Variants in SEC24C observed in about 807,000 individuals in gnomAD.
SEC24C encodes the protein protein transport protein Sec24C.
In SEC24C, 22 loss-of-function variants were observed where a neutral mutation model predicts 117.0. That is an observed-to-expected ratio of 0.19 (90% confidence interval 0.13 to 0.27). The LOEUF (loss-of-function observed/expected upper bound fraction) is 0.27, where lower values mean the gene tolerates loss of function less well. SEC24C is among the 10% of genes least tolerant of loss of function. The pLI is 1.00. For synonymous variants in SEC24C, 506 were observed against 529.4 expected (o/e 0.96, Z 0.61); for missense variants, 1,155 against 1,375.1 (o/e 0.84, Z 2.53).
chr10:73,763,667 C>CTTTTT (rs71021569), intron 7 of SEC24C, 66 bp downstream of exon 7: 2,222 of 59,788 alleles, frequency 0.037, 398 homozygotes, highest in Non-Finnish European at 0.055. Flanking sequence ...ATGGTTGGGG[C>CTTTTT]TTTTTTTTTT....
At position 73,769,271 on chromosome 10, in the gene SEC24C, C is replaced by A; in HGVS notation, c.2425-76C>A. ...CAGGGCACGGGAGTGGCTCATTTCT[C>A]TCTTCCAGTTTAATAGTGTAGCAAA... On this transcript the variant is annotated intron_variant, in intron 17 of 22. Coordinates refer to ENST00000345254, the MANE Select transcript of SEC24C (RefSeq NM_198597.3). The surrounding 1 kb of genome is among the most constrained non-coding windows in gnomAD (Gnocchi z 4.5). 1.3e-6 allele frequency: 2 copies of A among 1,592,602 alleles called. No homozygotes were observed. The highest frequency in any genetic ancestry group is 1.1e-5 in the South Asian group (1 of 88,194).
At position 73,770,987 on chromosome 10, in the gene SEC24C, G is replaced by A; in HGVS notation, c.3177G>A (p.Glu1059=). Residue 1059 remains glutamate, a synonymous_variant, in exon 23 of 23, where the codon GAG becomes GAA. Transcript: ENST00000345254. ...TGGTGAAACAGGAAGACAAGATGGA[G>A]ATGCTGTTCAAGCACTTCCTGGTGG... The part of the protein sequence containing the change: ...LTVVKQEDKM[E]MLFKHFLVED... 6.2e-7 allele frequency: 1 copy of A among 1,614,226 alleles called. No individual in the cohort carries two copies. The highest frequency in any genetic ancestry group is 1.1e-5 in the South Asian group (1 of 91,088).
intron 3 of SEC24C, among the ~76,000 whole-genome samples, chr10:73,757,840 C>T (rs990185126): frequency 6.7e-6 from 1 of 148,154 alleles, no homozygotes; most frequent in Admixed American, 6.9e-5. Flanking sequence ...TGCTTGAGCC[C>T]AGGAGGTCAA....
At position 73,769,782 on chromosome 10, in the gene SEC24C, G is replaced by C; in HGVS notation, c.2682+49G>C. Reference sequence around the variant, plus strand: ...GGTGGGGTTGTTGGGACAAATGTTTGCATTTGGGAGGGATTTCTCATGATC... The same window carrying C: ...GGTGGGGTTGTTGGGACAAATGTTTCCATTTGGGAGGGATTTCTCATGATC... On this transcript the variant is annotated intron_variant, in intron 19 of 22. Transcript: ENST00000345254. This position sits in a 1 kb window ranked among gnomAD's most constrained non-coding sequence, Gnocchi z 4.5. 6.2e-7 allele frequency: 1 copy of C among 1,610,928 alleles called. No individual in the cohort carries two copies. The highest frequency in any genetic ancestry group is 8.5e-7 in the Non-Finnish European group (1 of 1,177,170).
chr10:73,766,191 C>T lies in SEC24C; in HGVS notation c.1588C>T (p.Leu530=), dbSNP rs2082880666. ...VRLLCEELKS[L]LDFLPREGGA... Reference sequence around the variant, plus strand: ...GCTCCTCTGTGAGGAGCTCAAGTCACTGTTAGACTTTCTACCTAGGTGAGA... The same window carrying T: ...GCTCCTCTGTGAGGAGCTCAAGTCATTGTTAGACTTTCTACCTAGGTGAGA... The change falls in exon 11 of 23, where the codon CTG becomes TTG. Residue 530 remains leucine, a synonymous_variant. Transcript: ENST00000345254. 6.2e-7 allele frequency: 1 copy of T among 1,612,780 alleles called. No individual in the cohort carries two copies. The highest frequency in any genetic ancestry group is 8.5e-7 in the Non-Finnish European group (1 of 1,179,644).
intron 2 of SEC24C, 81 bp from the exon 3 acceptor site, chr10:73,751,027 T>G: frequency 2.0e-6 from 3 of 1,500,550 alleles, no homozygotes; most frequent in Non-Finnish European, 2.7e-6. Context: ...CTGAGTTTAT[T>G]GATCCTTGCT....
At chr10:73,753,605 G>A (rs1479590334) in intron 3 of SEC24C, among the ~76,000 whole-genome samples, 1 of 152,112 alleles carries the variant, frequency 6.6e-6, no homozygotes, top group Non-Finnish European at 1.5e-5. Flanking sequence ...AAAGGTCGAG[G>A]CTACACTGAG....
intron 6 of SEC24C, 108 bp from the exon 7 acceptor site, chr10:73,763,382 C>A: frequency 1.5e-6 from 1 of 671,554 alleles, no homozygotes. Flanking sequence ...TGTTCCTTGG[C>A]AAATTTTTAG....
rs745334999 is a variant in SEC24C at position 73,759,692 on chromosome 10, T to C, written c.379T>C (p.Tyr127His). ...VGNQPPVLQPYGPPPTSAQVA... is the reference protein window; with the variant it reads ...VGNQPPVLQPHGPPPTSAQVA... ...CAACCAGCCACCTGTGCTTCAGCCC[T>C]ATGGCCCTCCCCCGACAAGTGCACA... Residue 127 changes from tyrosine to histidine, a missense_variant, in exon 4 of 23, where the codon TAT becomes CAT. Transcript: ENST00000345254. 3.1e-6 allele frequency: 5 copies of C among 1,607,244 alleles called. No homozygotes were observed. Among genetic ancestry groups the C allele is most frequent in the Non-Finnish European group, 4.2e-6 (5 of 1,177,756 alleles).
intron 6 of SEC24C, among the ~76,000 whole-genome samples, chr10:73,762,744 T>C (rs2132556930): frequency 6.6e-6 from 1 of 152,292 alleles, no homozygotes; most frequent in Middle Eastern, 3.4e-3. Context: ...CTTTTTCTGG[T>C]TTTCCAAACC....
At chr10:73,767,719 G>T in intron 14 of SEC24C, 118 bp from the exon 15 acceptor site, 1 of 744,368 alleles carries the variant, frequency 1.3e-6, no homozygotes. Flanking sequence ...GAAAATCCTT[G>T]GAAGTAGATC....
chr10:73,753,567 GC>G, intron 3 of SEC24C, among the ~76,000 whole-genome samples: 1 of 152,260 alleles, frequency 6.6e-6, no homozygotes, highest in Non-Finnish European at 1.5e-5. Flanking sequence ...ACTTTGGGAG[GC>G]TGAAGTGGAG....
Position 73,769,807 on chromosome 10 carries a change from C to A in SEC24C, c.2683-29C>A. On this transcript the variant is annotated intron_variant, in intron 19 of 22. Transcript: ENST00000345254. The surrounding 1 kb of genome is among the most constrained non-coding windows in gnomAD (Gnocchi z 4.5). ...GCATTTGGGAGGGATTTCTCATGAT[C>A]ATTGACTTTATTTTGATAATCCCCT... The A allele has an allele frequency of 6.2e-7, 1 of 1,612,726 alleles. No individual in the cohort carries two copies. Among genetic ancestry groups the A allele is most frequent in the South Asian group, 1.1e-5 (1 of 91,014 alleles).
chr10:73,763,011 T>G lies in SEC24C; in HGVS notation c.988-479T>G, dbSNP rs187482967. 1.9e-3 allele frequency among the ~76,000 whole-genome samples: 288 copies of G among 152,360 alleles called. 2 individuals are homozygous for G. Among genetic ancestry groups the G allele is most frequent in the African/African-American group, 6.7e-3 (278 of 41,584 alleles). On this transcript the variant is annotated intron_variant, in intron 6 of 22. Coordinates refer to ENST00000345254, the MANE Select transcript of SEC24C (RefSeq NM_198597.3). ...TCTCCTCACCCTGTCCCTTGTAATTTCATTGAGTGTAGAGTCATTCCAGGT... is the reference window on the plus strand; with the variant it reads ...TCTCCTCACCCTGTCCCTTGTAATTGCATTGAGTGTAGAGTCATTCCAGGT...
chr10:73,766,235 T>C (rs1235484047), intron 11 of SEC24C, 25 bp downstream of exon 11: 57 of 1,604,442 alleles, frequency 3.6e-5, no homozygotes, highest in Middle Eastern at 1.7e-4. Context: ...ACTGAGGTGT[T>C]TCCTGAGGTT....
intron 20 of SEC24C, 53 bp downstream of exon 20, chr10:73,770,068 G>T: frequency 1.9e-6 from 3 of 1,541,036 alleles, no homozygotes; most frequent in Non-Finnish European, 2.7e-6. Flanking sequence ...GGGCCTCTTA[G>T]GAGGAGGAAA....
In SEC24C at chr10:73,770,694, AATT is replaced by A; in HGVS notation, c.3055-14_3055-12del. On this transcript the variant is annotated splice_polypyrimidine_tract_variant and intron_variant, in intron 21 of 22. Coordinates refer to ENST00000345254, the MANE Select transcript of SEC24C (RefSeq NM_198597.3). ...GAGTGCCTTACCATAAGGATAAATGAATTTTGTGTTCTAGAGTGTTCTGCCAGT... is the reference window on the plus strand; with the variant it reads ...GAGTGCCTTACCATAAGGATAAATGATTGTGTTCTAGAGTGTTCTGCCAGT... 6.2e-7 allele frequency: 1 copy of A among 1,613,614 alleles called. No homozygotes were observed. The highest frequency in any genetic ancestry group is 8.5e-7 in the Non-Finnish European group (1 of 1,179,670).
intron 3 of SEC24C, among the ~76,000 whole-genome samples, chr10:73,757,850 A>G (rs2082733706): frequency 6.8e-6 from 1 of 146,670 alleles, no homozygotes; most frequent in African/African-American, 2.5e-5. Context: ...CAGGAGGTCA[A>G]GGCTGCAGTG....
In SEC24C at chr10:73,770,381, C is replaced by A. The variant is rs1350016930; in HGVS notation, c.2964C>A (p.Asn988Lys). The A allele has an allele frequency of 6.2e-7, 1 of 1,613,882 alleles. No individual in the cohort carries two copies. Among genetic ancestry groups the A allele is most frequent in the Non-Finnish European group, 8.5e-7 (1 of 1,179,942 alleles). Residue 988 changes from asparagine (N) to lysine (K), a missense_variant, in exon 21 of 23, where the codon AAC (asparagine) becomes AAA (lysine). Transcript: ENST00000345254. ...GDIYLLENGL[N>K]LFLWVGASVQ... ...TATATTTACTGGAGAATGGGCTCAA[C>A]CTCTTCCTCTGGGTGGGAGCAAGCG...
Sources: gnomAD v4.1 joint callset for allele counts (sites outside exome capture counted in the v4.1 genomes callset) on GRCh38, gnomAD v4.1.1 for gene constraint, Gnocchi (gnomAD v3.1) non-coding constraint, MANE v1.5 for transcripts, NCBI Gene and HGNC (gene_info 2026-07-23, HGNC 2026-07-21) for gene names.